Variants in FRAS1 observed in about 807,000 individuals in gnomAD.
FRAS1 encodes the protein extracellular matrix organizing protein FRAS1.
FRAS1 carries 290 observed loss-of-function variants against 435.2 expected under a neutral mutation model. The ratio of observed to expected loss-of-function variants is 0.67; its 90% CI spans 0.61 to 0.73. The LOEUF is 0.73. Among genes scored for constraint, FRAS1 ranks in the 30% least tolerant of loss-of-function variants. FRAS1 has a pLI of 0.00. For missense variants in FRAS1, 4,860 were observed against 5,001.5 expected, an observed-to-expected ratio of 0.97 and a Z score of 0.85; for synonymous variants, 1,800 against 1,851.0, an observed-to-expected ratio of 0.97 and a Z score of 0.71.
intron 14 of FRAS1, among the ~76,000 whole-genome samples, chr4:78,302,050 T>G (rs1329396317): frequency 6.7e-6 from 1 of 149,034 alleles, no homozygotes; most frequent in African/African-American, 2.5e-5. Flanking sequence ...TTCCCCTTCC[T>G]GTGTCCATGT....
chr4:78,301,123 G>C (rs1435682921), intron 14 of FRAS1, among the ~76,000 whole-genome samples: 1 of 152,148 alleles, frequency 6.6e-6, no homozygotes, highest in African/African-American at 2.4e-5. Flanking sequence ...ATGCCTACTT[G>C]AATTACTAAG....
At chr4:78,420,904 A>ATATATATATATATATATATATATAT (rs1222784707) in intron 33 of FRAS1, among the ~76,000 whole-genome samples, 1 of 83,822 alleles carries the variant, frequency 1.2e-5, no homozygotes, top group South Asian at 2.9e-4. Flanking sequence ...ATATATATAT[A>ATATATATATATATATATATATATAT]TATATATATA....
At chr4:78,518,168 A>G (rs1721267208) in intron 66 of FRAS1, among the ~76,000 whole-genome samples, 1 of 151,950 alleles carries the variant, frequency 6.6e-6, no homozygotes, top group African/African-American at 2.4e-5. Flanking sequence ...GCATGTCAAA[A>G]TGGAATTTTT....
At position 78,281,267 on chromosome 4, in the gene FRAS1, T is replaced by C. The variant is rs950007382; in HGVS notation, c.1072-131T>C. The C allele has an allele frequency of 4.9e-6, 3 of 616,000 alleles. No homozygotes were observed. The Admixed American group carries it at 1.1e-4, about 23-fold the overall frequency. The allele number at this position is 616,000 out of a possible 1,614,324, so 38.2% of individuals were successfully genotyped here. On this transcript the variant is annotated intron_variant, in intron 10 of 73. Transcript: ENST00000512123. ...CTTGTTTTTTATAAGATAGATTTCA[T>C]CTCTATTCATAACCAGTGAATAAAG...
intron 20 of FRAS1, among the ~76,000 whole-genome samples, chr4:78,354,505 A>G (rs540933366): frequency 6.6e-6 from 1 of 152,142 alleles, no homozygotes; most frequent in African/African-American, 2.4e-5. Context: ...TCTGTATGTT[A>G]TTTTCTGGAT....
At chr4:78,242,678 C>A in intron 3 of FRAS1, among the ~76,000 whole-genome samples, 1 of 152,314 alleles carries the variant, frequency 6.6e-6, no homozygotes, top group Admixed American at 6.5e-5. Flanking sequence ...TCAAGTGATC[C>A]AACCACCTCA....
At chr4:78,187,598 C>CT (rs962056968) in intron 2 of FRAS1, among the ~76,000 whole-genome samples, 12 of 151,232 alleles carry the variant, frequency 7.9e-5, no homozygotes, top group African/African-American at 1.5e-4. Context: ...TGTTGCTATC[C>CT]TTTTTTTTTC....
intron 2 of FRAS1, among the ~76,000 whole-genome samples, chr4:78,114,925 C>T (rs1743041861): frequency 6.6e-6 from 1 of 152,088 alleles, no homozygotes; most frequent in African/African-American, 2.4e-5. Context: ...AAAGGGAATG[C>T]TTCCAGTTTT....
At chr4:78,246,550 G>A (rs747261789) in intron 4 of FRAS1, among the ~76,000 whole-genome samples, 10 of 152,214 alleles carry the variant, frequency 6.6e-5, no homozygotes, top group Non-Finnish European at 1.0e-4. Context: ...ATGTAGGGTG[G>A]TGTTGTCTTT....
At chr4:78,253,333 G>T (rs987100152) in intron 5 of FRAS1, among the ~76,000 whole-genome samples, 1 of 152,048 alleles carries the variant, frequency 6.6e-6, no homozygotes, top group African/African-American at 2.4e-5. Context: ...CTTTTTCAAG[G>T]TGTACTGATT....
At chr4:78,316,965 C>G (rs556490492) in intron 16 of FRAS1, among the ~76,000 whole-genome samples, 1 of 152,154 alleles carries the variant, frequency 6.6e-6, no homozygotes, top group Non-Finnish European at 1.5e-5. Context: ...TAGGTCCAGA[C>G]AGACCTAGGG....
chr4:78,368,572 GCTGA>G (rs1560685104), intron 22 of FRAS1, among the ~76,000 whole-genome samples: 1 of 152,106 alleles, frequency 6.6e-6, no homozygotes, highest in Non-Finnish European at 1.5e-5. Context: ...CCAGCTAGGT[GCTGA>G]CTAACATTAC....
rs764095552 is a variant in FRAS1 at position 78,369,814 on chromosome 4, C to G, written c.2723-24C>G. On this transcript the variant is annotated intron_variant, in intron 22 of 73. Coordinates refer to ENST00000512123, the MANE Select transcript of FRAS1 (RefSeq NM_025074.7). ...GTATTTGCAATTGTAATCATCTGGT[C>G]ATTTTCTTTTCCTGTCTGCTCAGCA... 18 of 1,599,450 alleles carry G rather than the reference C, an allele frequency of 1.1e-5. 1 individual carries two copies. In the South Asian group the frequency reaches 2.0e-4, roughly 18 times the overall value.
intron 33 of FRAS1, among the ~76,000 whole-genome samples, chr4:78,421,273 G>A (rs1249034151): frequency 5.9e-5 from 9 of 151,916 alleles, no homozygotes; most frequent in Admixed American, 3.9e-4. Context: ...TCAGCCTCCC[G>A]GGTAGCTGGG....
At chr4:78,359,151 C>T (rs1730976096) in intron 20 of FRAS1, among the ~76,000 whole-genome samples, 1 of 152,150 alleles carries the variant, frequency 6.6e-6, no homozygotes, top group Non-Finnish European at 1.5e-5. Flanking sequence ...CTGTCTGAAC[C>T]TGCTCAGCCC....
At chr4:78,091,623 T>TGTGTG (rs1741528585) in intron 2 of FRAS1, among the ~76,000 whole-genome samples, 1 of 148,104 alleles carries the variant, frequency 6.8e-6, no homozygotes, top group South Asian at 2.2e-4. Flanking sequence ...ACACGTGTGT[T>TGTGTG]TGTGTGTGTG....
rs1560604726 is a variant in FRAS1, at chr4:78,252,442, TG to T, written c.364del (p.Glu122LysfsTer53). The T allele has an allele frequency of 6.2e-7, 1 of 1,613,678 alleles. No individual in the cohort carries two copies. The highest frequency in any genetic ancestry group is 8.5e-7 in the Non-Finnish European group (1 of 1,179,796). ...SPCSVCSCNH[G>X]EVRCTPQPCP... ...CATGTAGTGTGTGCTCTTGCAATCATGGGGAAGTCCGATGTACCCCCCAACC... is the reference window on the plus strand; with the variant it reads ...CATGTAGTGTGTGCTCTTGCAATCATGGGAAGTCCGATGTACCCCCCAACC... On this transcript the variant is annotated frameshift_variant, in exon 5 of 74. Coordinates refer to ENST00000512123, the MANE Select transcript of FRAS1 (RefSeq NM_025074.7). LOFTEE classifies it high-confidence loss of function.
intron 2 of FRAS1, among the ~76,000 whole-genome samples, chr4:78,196,507 A>G (rs1475643888): frequency 1.3e-5 from 2 of 152,134 alleles, no homozygotes; most frequent in Non-Finnish European, 2.9e-5. Flanking sequence ...AGATTAAATT[A>G]TATACTTTAG....
At chr4:78,080,028 C>T (rs1417318831) in intron 2 of FRAS1, among the ~76,000 whole-genome samples, 1 of 152,096 alleles carries the variant, frequency 6.6e-6, no homozygotes, top group Non-Finnish European at 1.5e-5. Flanking sequence ...AAAGCATCAT[C>T]GGAACCAGGT....
Sources: allele counts gnomAD v4.1 joint callset (sites outside exome capture counted in the v4.1 genomes callset), GRCh38; gene constraint gnomAD v4.1.1; transcripts MANE v1.5; gene names NCBI Gene and HGNC (gene_info 2026-07-23, HGNC 2026-07-21).